Variants in PRKN observed in about 807,000 individuals in gnomAD.
PRKN encodes parkin RBR E3 ubiquitin protein ligase, also known as E3 ubiquitin-protein ligase parkin.
Under a neutral mutation model 59.5 loss-of-function variants are expected in PRKN, and 56 were observed. The observed-to-expected ratio is 0.94, with a 90% CI of 0.76 to 1.18. The LOEUF is 1.18. Ranked by LOEUF, PRKN falls within the 50% of genes most tolerant of loss-of-function variation. The pLI, the probability that PRKN is intolerant of heterozygous loss-of-function variation, is 0.00. For missense variants in PRKN, 657 were observed against 596.4 expected (o/e 1.10, Z -1.06); for synonymous variants, 250 against 222.1 (o/e 1.13, Z -1.12).
At chr6:162,666,173 G>A (rs1779095554) in intron 1 of PRKN, among the ~76,000 whole-genome samples, 1 of 152,106 alleles carries the variant, frequency 6.6e-6, no homozygotes, top group Non-Finnish European at 1.5e-5. Flanking sequence ...GTTTTAAGAT[G>A]TCTATAAGAA....
intron 5 of PRKN, among the ~76,000 whole-genome samples, chr6:162,048,240 C>A (rs1428520417): frequency 6.6e-6 from 1 of 152,096 alleles, no homozygotes; most frequent in Non-Finnish European, 1.5e-5. Flanking sequence ...CAACACCCCT[C>A]AATAAGAATT....
chr6:161,690,449 C>T (rs1273547736), intron 7 of PRKN, among the ~76,000 whole-genome samples: 5 of 152,214 alleles, frequency 3.3e-5, no homozygotes, highest in Non-Finnish European at 7.3e-5. Flanking sequence ...GCTGGAATGG[C>T]TTGGACTTAA....
At chr6:161,517,640 T>C (rs923802832) in intron 9 of PRKN, among the ~76,000 whole-genome samples, 1 of 146,108 alleles carries the variant, frequency 6.8e-6, no homozygotes, top group African/African-American at 2.5e-5. Context: ...CTCAGGAGGC[T>C]GAGGCAGGAG....
intron 4 of PRKN, among the ~76,000 whole-genome samples, chr6:162,174,240 A>G (rs1783428576): frequency 6.6e-6 from 1 of 152,212 alleles, no homozygotes; most frequent in Admixed American, 6.5e-5. Flanking sequence ...ATACTTACAC[A>G]TATAGAAAAT....
intron 1 of PRKN, among the ~76,000 whole-genome samples, chr6:162,553,631 G>C (rs757595826): frequency 9.3e-5 from 14 of 151,270 alleles, no homozygotes; most frequent in Non-Finnish European, 2.1e-4. Flanking sequence ...ATTTGCTCAG[G>C]AAGTGCAATA....
intron 4 of PRKN, among the ~76,000 whole-genome samples, chr6:162,134,669 T>C (rs1781499195): frequency 6.6e-6 from 1 of 152,178 alleles, no homozygotes. Flanking sequence ...CCTGCTTCTC[T>C]TTAGAGTGAA....
At chr6:161,607,438 C>T (rs146357371) in intron 7 of PRKN, among the ~76,000 whole-genome samples, 187 of 152,100 alleles carry the variant, frequency 1.2e-3, no homozygotes, top group Non-Finnish European at 2.1e-3. Flanking sequence ...AAATCAAACA[C>T]AACAAACACT....
intron 1 of PRKN, among the ~76,000 whole-genome samples, chr6:162,556,401 G>GTGTGTGTGTGTGTGTGTGTGTGTGTC (rs776385523): frequency 1.1e-4 from 14 of 131,244 alleles, no homozygotes; most frequent in Middle Eastern, 3.8e-3. Context: ...GTGTGTGTGT[G>GTGTGTGTGTGTGTGTGTGTGTGTGTC]TGTCAGTTTG....
chr6:161,634,767 C>A (rs1337559177), intron 7 of PRKN, among the ~76,000 whole-genome samples: 1 of 152,186 alleles, frequency 6.6e-6, no homozygotes, highest in African/African-American at 2.4e-5. Flanking sequence ...TAGTAGGCTT[C>A]AAGCAGGTCA....
intron 5 of PRKN, among the ~76,000 whole-genome samples, chr6:162,014,431 G>T (rs1782855781): frequency 6.6e-6 from 1 of 152,162 alleles, no homozygotes; most frequent in African/African-American, 2.4e-5. Context: ...CCTTCCAGGA[G>T]GAGGGGAAAC....
At chr6:162,408,212 G>A (rs759098127) in intron 2 of PRKN, among the ~76,000 whole-genome samples, 51 of 151,744 alleles carry the variant, frequency 3.4e-4, no homozygotes, top group Non-Finnish European at 5.0e-4. Flanking sequence ...GCTACTAGTC[G>A]GGGTACTTAC....
At chr6:162,315,983 T>C (rs1782737270) in intron 2 of PRKN, among the ~76,000 whole-genome samples, 2 of 152,084 alleles carry the variant, frequency 1.3e-5, no homozygotes, top group Admixed American at 6.6e-5. Context: ...AATCTGGCCA[T>C]CAGGCAGCTA....
At position 162,185,970 on chromosome 6, in the gene PRKN, AT is replaced by A. The variant is rs927741055; in HGVS notation, c.534+15160del. ...TGTAGCAGAAGGAGAAAATCTTTAG[AT>A]TTTTTTTTTCAAAACATGTGGTTTG... On this transcript the variant is annotated intron_variant, in intron 4 of 11. Transcript: ENST00000366898. Among the ~76,000 whole-genome samples the A allele has an allele frequency of 8.7e-3, 1,304 of 150,572 alleles. 21 individuals are homozygous for A. The highest frequency in any genetic ancestry group is 0.03 in the African/African-American group (1,239 of 41,096).
At chr6:162,137,659 T>C (rs187438814) in intron 4 of PRKN, among the ~76,000 whole-genome samples, 1 of 152,220 alleles carries the variant, frequency 6.6e-6, no homozygotes. Context: ...CATGACATAG[T>C]GAAATGCATC....
chr6:161,737,147 G>A lies in PRKN; in HGVS notation c.871+48625C>T, dbSNP rs147236910. Among the ~76,000 whole-genome samples, 40 of 152,284 alleles carry A rather than the reference G, an allele frequency of 2.6e-4. 1 individual carries two copies. In the East Asian group the frequency reaches 6.8e-3, roughly 26 times the overall value. ...TACTGGAAATGGGAGACAAAGGCCCGAGTGCAGGTGCACAGGAAGAGGAGG... is the reference window on the plus strand; with the variant it reads ...TACTGGAAATGGGAGACAAAGGCCCAAGTGCAGGTGCACAGGAAGAGGAGG... On this transcript the variant is annotated intron_variant, in intron 7 of 11. Coordinates refer to ENST00000366898, the MANE Select transcript of PRKN (RefSeq NM_004562.3).
At chr6:161,482,158 AATAG>A (rs1168317628) in intron 9 of PRKN, among the ~76,000 whole-genome samples, 1 of 152,246 alleles carries the variant, frequency 6.6e-6, no homozygotes, top group Non-Finnish European at 1.5e-5. Flanking sequence ...TGTATATTCA[AATAG>A]ATAACATAAA....
chr6:162,094,476 CCTGT>C (rs1779646396), intron 4 of PRKN, among the ~76,000 whole-genome samples: 2 of 151,716 alleles, frequency 1.3e-5, no homozygotes, highest in South Asian at 4.2e-4. Context: ...AGAGGAAGAC[CCTGT>C]CTTAGGAAAT....
rs562905232 is a variant in PRKN at position 162,633,483 on chromosome 6, G to C, written c.7+94179C>G. 5.4e-5 allele frequency among the ~76,000 whole-genome samples: 8 copies of C among 148,556 alleles called. No individual in the cohort carries two copies. The South Asian group carries it at 1.7e-3, about 32-fold the overall frequency. ...AGGATCCATTTAGTCACTGGGAAGG[G>C]AGGACTTATAACTCCTAAAACTCCA... is the stretch of plus-strand genomic sequence containing the variant. On this transcript the variant is annotated intron_variant, in intron 1 of 11. Transcript: ENST00000366898.
chr6:161,910,480 C>T (rs9458416), intron 6 of PRKN, among the ~76,000 whole-genome samples: 2,444 of 152,204 alleles, frequency 0.016, 56 homozygotes, highest in African/African-American at 0.056. Context: ...GTCTCAAACT[C>T]CCAACCTCAG....
Sources: allele counts gnomAD v4.1 joint callset (sites outside exome capture counted in the v4.1 genomes callset), GRCh38; gene constraint gnomAD v4.1.1; transcripts MANE v1.5; gene names NCBI Gene and HGNC (gene_info 2026-07-23, HGNC 2026-07-21).